Variants in NAV2 observed in about 807,000 individuals in gnomAD.
NAV2 encodes neuron navigator 2, also known as helicase, APC down-regulated 1.
A neutral mutation model predicts 223.2 loss-of-function variants in NAV2; 54 were observed. The observed-to-expected ratio is 0.24, with a 90% CI of 0.19 to 0.30. The LOEUF (loss-of-function observed/expected upper bound fraction) is 0.30, where lower values mean the gene tolerates loss of function less well. Among genes scored for constraint, NAV2 ranks in the 10% least tolerant of loss-of-function variants. The pLI, the probability that NAV2 is intolerant of heterozygous loss-of-function variation, is 1.00. For synonymous variants in NAV2, 1,279 were observed against 1,239.3 expected, an observed-to-expected ratio of 1.03 and a Z score of -0.67; for missense variants, 2,806 against 3,147.5, an observed-to-expected ratio of 0.89 and a Z score of 2.60.
At chr11:19,618,466 C>A (rs543250776) in intron 1 of NAV2, among the ~76,000 whole-genome samples, 1 of 131,210 alleles carries the variant, frequency 7.6e-6, no homozygotes, top group South Asian at 2.6e-4. Flanking sequence ...GGATGGGTAG[C>A]TGAATGGCTA....
At chr11:20,101,376 T>C (rs1370814817) in intron 32 of NAV2, among the ~76,000 whole-genome samples, 1 of 152,230 alleles carries the variant, frequency 6.6e-6, no homozygotes, top group Non-Finnish European at 1.5e-5. Context: ...TGATGCTCAG[T>C]GCTGGTAGTT....
chr11:19,521,228 G>A (rs893478283), intron 1 of NAV2, among the ~76,000 whole-genome samples: 1 of 152,260 alleles, frequency 6.6e-6, no homozygotes, highest in East Asian at 1.9e-4. Flanking sequence ...GAGTGATTGA[G>A]TCACGTGCTA....
intron 1 of NAV2, among the ~76,000 whole-genome samples, chr11:19,743,657 C>T (rs75172667): frequency 0.018 from 2,760 of 152,366 alleles, 77 homozygotes; most frequent in African/African-American, 0.06. Context: ...AAGTGCTGGG[C>T]TTAGCCTAGA....
chr11:19,394,744 A>G (rs1849382526), intron 1 of NAV2, among the ~76,000 whole-genome samples: 1 of 152,194 alleles, frequency 6.6e-6, no homozygotes, highest in Admixed American at 6.5e-5. Context: ...GGCAGAGGAA[A>G]CAGTGTGGGT....
At chr11:19,944,831 C>T (rs767772491) in intron 8 of NAV2, among the ~76,000 whole-genome samples, 10 of 145,668 alleles carry the variant, frequency 6.9e-5, no homozygotes, top group Non-Finnish European at 1.2e-4. Context: ...TGCTTGCTTG[C>T]TTTCTTGCCT....
At chr11:19,413,593 C>T (rs866837290) in intron 1 of NAV2, among the ~76,000 whole-genome samples, 4 of 152,092 alleles carry the variant, frequency 2.6e-5, no homozygotes, top group Admixed American at 2.0e-4. Flanking sequence ...AGATACTCCT[C>T]GAGAAGAGCA....
At chr11:19,692,687 A>T (rs2049213646) in intron 1 of NAV2, among the ~76,000 whole-genome samples, 1 of 152,232 alleles carries the variant, frequency 6.6e-6, no homozygotes, top group South Asian at 2.1e-4. Context: ...TTGATCATAC[A>T]GGCAATTATA....
chr11:20,055,653 G>A, intron 18 of NAV2, 116 bp from the exon 19 acceptor site: 1 of 884,234 alleles, frequency 1.1e-6, no homozygotes, highest in Non-Finnish European at 1.7e-6. Flanking sequence ...ACAGATGGGA[G>A]AAGAGTTGGC....
rs112329165 is a variant in NAV2, at chr11:19,940,881, T to C, written c.2146+1108T>C. ...GATTTTGTTTCCTTCTCTTCAAGGT[T>C]TGTATCTTTCTTTCATATGAGTACA... is the stretch of plus-strand genomic sequence containing the variant. On this transcript the variant is annotated intron_variant, in intron 8 of 37. Transcript: ENST00000349880. Among the ~76,000 whole-genome samples the C allele has an allele frequency of 7.9e-3, 1,199 of 152,334 alleles. 26 individuals are homozygous for C. The highest frequency in any genetic ancestry group is 0.028 in the African/African-American group (1,159 of 41,574).
chr11:19,832,418 G>C, intron 1 of NAV2, 66 bp from the exon 2 acceptor site: 1 of 1,280,488 alleles, frequency 7.8e-7, no homozygotes, highest in South Asian at 1.2e-5. Flanking sequence ...GGCCCGAGCA[G>C]CTGCCTCAGA....
chr11:19,707,654 C>A (rs567553163), intron 1 of NAV2, among the ~76,000 whole-genome samples: 1 of 152,116 alleles, frequency 6.6e-6, no homozygotes, highest in African/African-American at 2.4e-5. Context: ...TCTAATATAA[C>A]AATGAATAGT....
intron 10 of NAV2, among the ~76,000 whole-genome samples, chr11:19,960,587 A>ATTTTT (rs1160452657): frequency 2.1e-4 from 21 of 101,816 alleles, no homozygotes; most frequent in Non-Finnish European, 4.2e-4. Context: ...CCTTTTTTAA[A>ATTTTT]ATTTTATTTA....
intron 1 of NAV2, among the ~76,000 whole-genome samples, chr11:19,645,289 C>A (rs1249515368): frequency 6.6e-6 from 1 of 152,212 alleles, no homozygotes; most frequent in Non-Finnish European, 1.5e-5. Context: ...CTGACACAGA[C>A]TCTCCTGCCT....
At chr11:19,564,737 C>T (rs2045214987) in intron 1 of NAV2, among the ~76,000 whole-genome samples, 1 of 152,198 alleles carries the variant, frequency 6.6e-6, no homozygotes, top group Non-Finnish European at 1.5e-5. Flanking sequence ...CTATTCTGTA[C>T]CTCCCACCGG....
At chr11:19,695,221 T>C (rs1329558471) in intron 1 of NAV2, among the ~76,000 whole-genome samples, 1 of 152,220 alleles carries the variant, frequency 6.6e-6, no homozygotes, top group Non-Finnish European at 1.5e-5. Flanking sequence ...GTCGGCACTC[T>C]CCGGTCCAAA....
At chr11:19,803,678 G>A (rs974694403) in intron 1 of NAV2, among the ~76,000 whole-genome samples, 1 of 152,256 alleles carries the variant, frequency 6.6e-6, no homozygotes, top group African/African-American at 2.4e-5. Context: ...TGTTAAATGA[G>A]CACTTGGGGG....
intron 1 of NAV2, among the ~76,000 whole-genome samples, chr11:19,673,744 C>T (rs942984730): frequency 1.3e-5 from 2 of 152,184 alleles, no homozygotes; most frequent in African/African-American, 2.4e-5. Context: ...CTCTCGGGGC[C>T]TGTTCCCTCC....
At chr11:19,711,614 A>G (rs2049881441), upstream of NAV2, 1 of 152,266 alleles carries the variant, frequency 6.6e-6, no homozygotes, top group Admixed American at 6.5e-5. Flanking sequence ...TTCTAAATCA[A>G]TGCTATCAGC....
intron 18 of NAV2, among the ~76,000 whole-genome samples, chr11:20,054,832 C>A (rs2058265033): frequency 6.6e-6 from 1 of 152,140 alleles, no homozygotes; most frequent in African/African-American, 2.4e-5. Context: ...CAATGGAATT[C>A]TTTTTCAGGA....
Sources: allele counts gnomAD v4.1 joint callset (sites outside exome capture counted in the v4.1 genomes callset), GRCh38; gene constraint gnomAD v4.1.1; transcripts MANE v1.5; gene names NCBI Gene and HGNC (gene_info 2026-07-23, HGNC 2026-07-21).